The following VPS13B variants were observed in gnomAD, a reference collection of about 807,000 sequenced individuals.
The protein encoded by VPS13B is intermembrane lipid transfer protein VPS13B.
A neutral mutation model predicts 426.4 loss-of-function variants in VPS13B; 285 were observed. The ratio of observed to expected loss-of-function variants is 0.67; its 90% confidence interval spans 0.61 to 0.74. The LOEUF (loss-of-function observed/expected upper bound fraction) is 0.74. Ranked by LOEUF, VPS13B falls within the 30% of genes least tolerant of loss-of-function variation. VPS13B has a pLI of 0.00. For missense variants in VPS13B, 4,537 were observed against 4,782.6 expected (o/e 0.95, Z 1.51); for synonymous variants, 1,676 against 1,676.4 (o/e 1.00, Z 0.01).
chr8:99,185,250 G>A (rs1048761529), intron 16 of VPS13B, among the ~76,000 whole-genome samples: 1 of 152,200 alleles, frequency 6.6e-6, no homozygotes, highest in Non-Finnish European at 1.5e-5. Context: ...TGAATATACA[G>A]AGGTCTGCAG....
At chr8:99,873,885 A>G (rs1335834838) in intron 61 of VPS13B, among the ~76,000 whole-genome samples, 1 of 152,134 alleles carries the variant, frequency 6.6e-6, no homozygotes, top group Non-Finnish European at 1.5e-5. Flanking sequence ...TGCCGTGAAC[A>G]CTTCCAGTGA....
At chr8:99,590,396 C>T (rs1280171720) in intron 33 of VPS13B, among the ~76,000 whole-genome samples, 4 of 152,052 alleles carry the variant, frequency 2.6e-5, no homozygotes, top group Non-Finnish European at 5.9e-5. Context: ...TTTGTTTGCT[C>T]TTGCTTCTCT....
At chr8:99,176,150 T>C (rs1416755061) in intron 16 of VPS13B, among the ~76,000 whole-genome samples, 1 of 152,146 alleles carries the variant, frequency 6.6e-6, no homozygotes, top group East Asian at 1.9e-4. Flanking sequence ...TTGTTTTTTT[T>C]TTTTGAGACG....
intron 3 of VPS13B, among the ~76,000 whole-genome samples, chr8:99,043,059 T>C (rs1459226603): frequency 5.9e-5 from 9 of 152,332 alleles, no homozygotes; most frequent in Non-Finnish European, 2.9e-5. Context: ...CTTTCTTTGA[T>C]TGGACACCAG....
chr8:99,676,941 C>T (rs1178188279), intron 35 of VPS13B, among the ~76,000 whole-genome samples: 1 of 152,044 alleles, frequency 6.6e-6, no homozygotes, highest in South Asian at 2.1e-4. Flanking sequence ...ACCAGCCTGG[C>T]CAACATGGCA....
chr8:99,240,600 C>G (rs1326514276), intron 17 of VPS13B, among the ~76,000 whole-genome samples: 1 of 152,152 alleles, frequency 6.6e-6, no homozygotes, highest in Non-Finnish European at 1.5e-5. Flanking sequence ...CATGCAGTTA[C>G]AACAATTTCC....
rs566268805 is a variant in VPS13B, at chr8:99,823,181, C to G, written c.9184-651C>G. Among the ~76,000 whole-genome samples, 198 of 152,306 alleles carry G rather than the reference C, an allele frequency of 1.3e-3. 1 individual carries two copies. The highest frequency in any genetic ancestry group is 4.4e-3 in the African/African-American group (185 of 41,582). ...GGTTCCAACCCCCTAGTTAGACCCT[C>G]TTCATCTTTGTGACCTTGGGGAAGT... On this transcript the variant is annotated intron_variant, in intron 50 of 61. Transcript: ENST00000357162.
chr8:99,140,629 C>T (rs921360759), intron 12 of VPS13B, among the ~76,000 whole-genome samples: 1 of 148,858 alleles, frequency 6.7e-6, no homozygotes, highest in African/African-American at 2.5e-5. Flanking sequence ...CCTCTCCTTC[C>T]TCCTCCTCCC....
At chr8:99,849,517 A>G (rs1053618575) in intron 55 of VPS13B, among the ~76,000 whole-genome samples, 3 of 152,250 alleles carry the variant, frequency 2.0e-5, no homozygotes, top group Admixed American at 2.0e-4. Context: ...TATCATATAC[A>G]GTCCTGGTGA....
chr8:99,391,854 C>A, intron 21 of VPS13B, 150 bp downstream of exon 21: 2 of 1,140,316 alleles, frequency 1.8e-6, no homozygotes, highest in Non-Finnish European at 1.3e-6. Context: ...TAGCAATAAT[C>A]ACAGTATTAG....
chr8:99,367,039 A>T (rs1812929125), intron 19 of VPS13B, among the ~76,000 whole-genome samples: 1 of 152,220 alleles, frequency 6.6e-6, no homozygotes, highest in Non-Finnish European at 1.5e-5. Context: ...TTTGTACACC[A>T]CAATTACAGC....
At chr8:99,701,995 AT>A (rs922408779) in intron 36 of VPS13B, among the ~76,000 whole-genome samples, 6 of 152,170 alleles carry the variant, frequency 3.9e-5, no homozygotes, top group Non-Finnish European at 8.8e-5. Flanking sequence ...TATTTTTAAA[AT>A]AAAACATAAC....
chr8:99,779,327 G>C (rs966004128), intron 42 of VPS13B, among the ~76,000 whole-genome samples: 1 of 152,134 alleles, frequency 6.6e-6, no homozygotes, highest in Admixed American at 6.6e-5. Context: ...TTTTTTCCAA[G>C]TATTGTGGCT....
intron 30 of VPS13B, among the ~76,000 whole-genome samples, chr8:99,540,013 T>TTATATATATATA (rs1209568378): frequency 3.7e-5 from 1 of 27,116 alleles, no homozygotes; most frequent in Non-Finnish European, 6.2e-5. Context: ...TATAAATAAA[T>TTATATATATATA]TATATATATA....
chr8:99,295,740 A>G (rs768167057), intron 19 of VPS13B, among the ~76,000 whole-genome samples: 17 of 152,194 alleles, frequency 1.1e-4, no homozygotes, highest in Non-Finnish European at 2.5e-4. Flanking sequence ...CAAAATTTGA[A>G]GTAGAAGGCC....
chr8:99,331,558 T>C (rs1478278969), intron 19 of VPS13B, among the ~76,000 whole-genome samples: 1 of 151,796 alleles, frequency 6.6e-6, no homozygotes, highest in African/African-American at 2.4e-5. Context: ...ACTGATACTT[T>C]ACTAGTAAAT....
At chr8:99,201,723 G>T (rs1463160515) in intron 17 of VPS13B, among the ~76,000 whole-genome samples, 2 of 152,130 alleles carry the variant, frequency 1.3e-5, no homozygotes, top group African/African-American at 4.8e-5. Context: ...CTAGGGATTT[G>T]ATTTTGTGCA....
intron 19 of VPS13B, among the ~76,000 whole-genome samples, chr8:99,351,637 C>T (rs73287834): frequency 0.017 from 2,556 of 152,024 alleles, 64 homozygotes; most frequent in African/African-American, 0.059. Context: ...TTTTGCATAG[C>T]GTTTCATTTA....
At chr8:99,718,079 T>G (rs1832993008) in intron 37 of VPS13B, among the ~76,000 whole-genome samples, 1 of 151,696 alleles carries the variant, frequency 6.6e-6, no homozygotes, top group East Asian at 1.9e-4. Context: ...TTTTTTTTTA[T>G]GGGTAGACTT....
Sources: allele counts gnomAD v4.1 joint callset (sites outside exome capture counted in the v4.1 genomes callset), GRCh38; gene constraint gnomAD v4.1.1; transcripts MANE v1.5; gene names NCBI Gene and HGNC (gene_info 2026-07-23, HGNC 2026-07-21).